The following AUTS2 variants were observed in gnomAD, a reference collection of about 807,000 sequenced individuals.
The protein encoded by AUTS2 is activator of transcription and developmental regulator AUTS2, also known as autism susceptibility gene 2 protein.
Under a neutral mutation model 112.4 loss-of-function variants are expected in AUTS2, and 17 were observed. That is an observed-to-expected ratio of 0.15 (90% CI 0.10 to 0.23). The LOEUF (loss-of-function observed/expected upper bound fraction) is 0.23, where lower values mean the gene tolerates loss of function less well. Among genes scored for constraint, AUTS2 ranks in the 10% least tolerant of loss-of-function variants. The probability of loss-of-function intolerance (pLI) is 1.00; values close to 1 mark genes in which losing one functional copy is unlikely to be tolerated. For missense variants in AUTS2, 1,510 were observed against 1,701.6 expected (o/e 0.89, Z 1.98); for synonymous variants, 751 against 702.7 (o/e 1.07, Z -1.09).
chr7:70,535,680 G>C (rs1306756512), intron 5 of AUTS2, among the ~76,000 whole-genome samples: 1 of 152,156 alleles, frequency 6.6e-6, no homozygotes, highest in African/African-American at 2.4e-5. Context: ...TTCCCAAAGT[G>C]CTGAGATTAC....
At chr7:70,092,384 G>A (rs1803966214) in intron 2 of AUTS2, among the ~76,000 whole-genome samples, 1 of 152,090 alleles carries the variant, frequency 6.6e-6, no homozygotes, top group Non-Finnish European at 1.5e-5. Flanking sequence ...CTTCACATGA[G>A]CTGAGCTCTA....
At chr7:69,631,265 G>A in intron 1 of AUTS2, among the ~76,000 whole-genome samples, 1 of 152,176 alleles carries the variant, frequency 6.6e-6, no homozygotes, top group East Asian at 1.9e-4. Flanking sequence ...TGCTTGCACA[G>A]CTGTTCTGGA....
At chr7:69,894,145 T>C (rs1794638717) in intron 1 of AUTS2, among the ~76,000 whole-genome samples, 1 of 152,024 alleles carries the variant, frequency 6.6e-6, no homozygotes, top group African/African-American at 2.4e-5. Context: ...TGACAGCCAA[T>C]ATGTCTAAAT....
At chr7:70,777,619 C>T (rs1373489694) in intron 14 of AUTS2, among the ~76,000 whole-genome samples, 1 of 152,190 alleles carries the variant, frequency 6.6e-6, no homozygotes, top group Admixed American at 6.5e-5. Context: ...GATTACAGTG[C>T]AAGTCACAGC....
rs185158390 is a variant in AUTS2, at chr7:70,421,356, G to A, written c.661-14396G>A. On this transcript the variant is annotated intron_variant, in intron 4 of 18. Coordinates refer to ENST00000342771, the MANE Select transcript of AUTS2 (RefSeq NM_015570.4). ...TGCAGAGTAAAAACTACTCCAAAAT[G>A]TTGGCAGTCTAAAAGTGGACAGGCA... Among the ~76,000 whole-genome samples, 406 of 140,032 alleles carry A rather than the reference G, an allele frequency of 2.9e-3. 3 individuals carry two copies. Among genetic ancestry groups the A allele is most frequent in the African/African-American group, 9.9e-3 (368 of 37,076 alleles). 91.9% of individuals were successfully genotyped at this position (140,032 alleles called of 152,430 possible).
chr7:70,011,059 A>G (rs2129554200), intron 2 of AUTS2, among the ~76,000 whole-genome samples: 1 of 152,312 alleles, frequency 6.6e-6, no homozygotes, highest in South Asian at 2.1e-4. Flanking sequence ...CACTTTTAAA[A>G]TAGGAGTTAA....
chr7:70,594,842 C>T (rs1046895684), intron 5 of AUTS2, among the ~76,000 whole-genome samples: 1 of 152,142 alleles, frequency 6.6e-6, no homozygotes, highest in African/African-American at 2.4e-5. Flanking sequence ...TCGCTCACAC[C>T]TGTAATCCCA....
At chr7:70,491,466 AT>A in intron 5 of AUTS2, among the ~76,000 whole-genome samples, 1 of 148,216 alleles carries the variant, frequency 6.7e-6, no homozygotes, top group Non-Finnish European at 1.5e-5. Context: ...TATGTTATAT[AT>A]ACACATAATA....
chr7:69,879,435 C>G (rs904371566), intron 1 of AUTS2, among the ~76,000 whole-genome samples: 3 of 151,960 alleles, frequency 2.0e-5, no homozygotes, highest in Non-Finnish European at 4.4e-5. Context: ...CAGGCGCGAG[C>G]CACTGTGCCC....
At chr7:70,385,704 C>G (rs907494709) in intron 4 of AUTS2, among the ~76,000 whole-genome samples, 1 of 152,148 alleles carries the variant, frequency 6.6e-6, no homozygotes, top group Non-Finnish European at 1.5e-5. Flanking sequence ...CCACTGCACT[C>G]CAGCCTGGGC....
intron 1 of AUTS2, among the ~76,000 whole-genome samples, chr7:69,888,539 G>GGA (rs1198160909): frequency 1.1e-4 from 6 of 55,248 alleles, no homozygotes; most frequent in South Asian, 5.7e-4. Context: ...CCAACATTGG[G>GGA]GATATATATA....
intron 5 of AUTS2, among the ~76,000 whole-genome samples, chr7:70,527,655 G>T (rs897245943): frequency 6.6e-6 from 1 of 152,092 alleles, no homozygotes; most frequent in Admixed American, 6.5e-5. Flanking sequence ...AGAAAACACT[G>T]GTCTACATAA....
intron 5 of AUTS2, among the ~76,000 whole-genome samples, chr7:70,583,651 G>T (rs999416776): frequency 2.6e-5 from 4 of 152,188 alleles, no homozygotes; most frequent in African/African-American, 9.7e-5. Context: ...AGTGAGTGAA[G>T]AAAGAGCCTT....
chr7:70,172,278 G>A (rs1808743108), intron 4 of AUTS2, among the ~76,000 whole-genome samples: 1 of 152,174 alleles, frequency 6.6e-6, no homozygotes, highest in South Asian at 2.1e-4. Flanking sequence ...CTGTGGACCT[G>A]AAAGAGCAAG....
chr7:70,497,666 T>A (rs1007268876), intron 5 of AUTS2, among the ~76,000 whole-genome samples: 1 of 152,184 alleles, frequency 6.6e-6, no homozygotes, highest in African/African-American at 2.4e-5. Flanking sequence ...ATTTTAAAGC[T>A]GCAGGGACAG....
At chr7:70,044,583 A>T (rs1801417966) in intron 2 of AUTS2, among the ~76,000 whole-genome samples, 1 of 152,172 alleles carries the variant, frequency 6.6e-6, no homozygotes, top group Admixed American at 6.5e-5. Flanking sequence ...TAATTTTTAC[A>T]TTTTCAAGAT....
chr7:70,708,917 C>CTTT (rs34290500), intron 6 of AUTS2, among the ~76,000 whole-genome samples: 4 of 134,638 alleles, frequency 3.0e-5, no homozygotes, highest in Admixed American at 7.5e-5. Flanking sequence ...TGTTTAAATA[C>CTTT]TTTTTTTTTT....
At chr7:70,096,758 A>G (rs1164705794) in intron 2 of AUTS2, among the ~76,000 whole-genome samples, 1 of 152,190 alleles carries the variant, frequency 6.6e-6, no homozygotes, top group African/African-American at 2.4e-5. Flanking sequence ...CCGAAAATTC[A>G]GAAGGAGGAT....
At chr7:69,892,178 T>C (rs1300374415) in intron 1 of AUTS2, among the ~76,000 whole-genome samples, 1 of 150,206 alleles carries the variant, frequency 6.7e-6, no homozygotes, top group Admixed American at 6.6e-5. Flanking sequence ...GAATTTTTTT[T>C]TTTTTTTTTT....
Sources: gnomAD v4.1 joint callset for allele counts (sites outside exome capture counted in the v4.1 genomes callset) on GRCh38, gnomAD v4.1.1 for gene constraint, MANE v1.5 for transcripts, NCBI Gene and HGNC (gene_info 2026-07-23, HGNC 2026-07-21) for gene names.